Variants in TASP1 observed in about 807,000 individuals in gnomAD.
TASP1 encodes the protein threonine aspartase 1.
A neutral mutation model predicts 56.6 loss-of-function variants in TASP1; 16 were observed. That is an observed-to-expected ratio of 0.28 (90% CI 0.19 to 0.43). The LOEUF is 0.43. Among genes scored for constraint, TASP1 ranks in the 20% least tolerant of loss-of-function variants. The pLI is 1.00. For synonymous variants in TASP1, 179 were observed against 184.2 expected (o/e 0.97, Z 0.23); for missense variants, 393 against 511.6 (o/e 0.77, Z 2.24).
At chr20:13,234,272 T>C in the TASP1 span, among the ~76,000 whole-genome samples, 1 of 152,230 alleles carries the variant, frequency 6.6e-6, no homozygotes, top group Non-Finnish European at 1.5e-5. Flanking sequence ...GTACCAGCCA[T>C]GTTGCTGCGA....
chr20:13,304,784 G>T, the TASP1 span, among the ~76,000 whole-genome samples: 35 of 152,104 alleles, frequency 2.3e-4, no homozygotes, highest in Admixed American at 2.2e-3. Context: ...ACCAGTCCAC[G>T]AGCTCCCAGT....
chr20:13,545,703 C>T (rs1423930872), intron 8 of TASP1, among the ~76,000 whole-genome samples: 1 of 152,064 alleles, frequency 6.6e-6, no homozygotes, highest in Non-Finnish European at 1.5e-5. Flanking sequence ...CCACTCTCTT[C>T]TACTTGTCTA....
At chr20:13,627,322 C>G (rs1400391144) in intron 2 of TASP1, among the ~76,000 whole-genome samples, 28 of 152,170 alleles carry the variant, frequency 1.8e-4, no homozygotes, top group Non-Finnish European at 7.3e-5. Flanking sequence ...ATCAATCACT[C>G]TTTCTAATAA....
intron 8 of TASP1, among the ~76,000 whole-genome samples, chr20:13,544,052 C>T (rs375500975): frequency 6.6e-6 from 1 of 152,188 alleles, no homozygotes; most frequent in Non-Finnish European, 1.5e-5. Context: ...ACCCATTTCT[C>T]GTAATATGGG....
At chr20:13,297,615 A>C in the TASP1 span, among the ~76,000 whole-genome samples, 1 of 152,240 alleles carries the variant, frequency 6.6e-6, no homozygotes, top group Non-Finnish European at 1.5e-5. Context: ...AGCTGTGCTG[A>C]GCTGGGGACC....
the TASP1 span, among the ~76,000 whole-genome samples, chr20:13,274,908 A>G: frequency 2.6e-5 from 4 of 152,218 alleles, no homozygotes; most frequent in African/African-American, 9.6e-5. Context: ...TCTCCATATG[A>G]AATTTAAAAC....
At chr20:13,503,666 G>A (rs375832129) in intron 10 of TASP1, among the ~76,000 whole-genome samples, 2 of 152,052 alleles carry the variant, frequency 1.3e-5, no homozygotes. Flanking sequence ...CAAAATAATT[G>A]TTTTTGGGAA....
chr20:13,154,396 C>T, the TASP1 span, among the ~76,000 whole-genome samples: 4 of 152,254 alleles, frequency 2.6e-5, no homozygotes, highest in African/African-American at 7.2e-5. Context: ...CACTTATCTC[C>T]CTCAGCCTCA....
chr20:13,476,168 T>G (rs2042944669), intron 11 of TASP1, among the ~76,000 whole-genome samples: 1 of 152,162 alleles, frequency 6.6e-6, no homozygotes, highest in Non-Finnish European at 1.5e-5. Context: ...TTTGGTAGTC[T>G]GGTTAAAGTT....
intron 4 of TASP1, among the ~76,000 whole-genome samples, chr20:13,607,401 G>T (rs2048196241): frequency 6.6e-6 from 1 of 152,108 alleles, no homozygotes; most frequent in East Asian, 1.9e-4. Context: ...TTTGCTGAAG[G>T]CATAAAATAA....
At chr20:13,251,564 G>A in the TASP1 span, among the ~76,000 whole-genome samples, 1 of 152,200 alleles carries the variant, frequency 6.6e-6, no homozygotes, top group African/African-American at 2.4e-5. Context: ...AGAAAGTGAG[G>A]TGCAGGGAGC....
At chr20:13,209,838 C>T in the TASP1 span, among the ~76,000 whole-genome samples, 1 of 152,188 alleles carries the variant, frequency 6.6e-6, no homozygotes, top group Admixed American at 6.5e-5. Context: ...AGATGTATCA[C>T]AGACTATTAT....
chr20:13,193,591 T>C, the TASP1 span, among the ~76,000 whole-genome samples: 2 of 152,250 alleles, frequency 1.3e-5, no homozygotes, highest in Non-Finnish European at 2.9e-5. Context: ...AAGAAAATAC[T>C]GTATAAACAC....
intron 10 of TASP1, among the ~76,000 whole-genome samples, chr20:13,513,421 A>G (rs530223050): frequency 5.9e-5 from 9 of 152,070 alleles, no homozygotes; most frequent in East Asian, 1.9e-4. Context: ...AGGGAGGGAG[A>G]GAGACAGAAG....
intron 10 of TASP1, among the ~76,000 whole-genome samples, chr20:13,493,109 C>G (rs527428040): frequency 1.3e-5 from 2 of 151,932 alleles, no homozygotes; most frequent in Non-Finnish European, 2.9e-5. Flanking sequence ...GTTTTATGAA[C>G]GCAAATACTT....
rs1435188626 is a variant in TASP1 at position 13,390,383 on chromosome 20, G to A, written c.1240C>T (p.Arg414Cys). 7 of 1,614,022 alleles carry A rather than the reference G, an allele frequency of 4.3e-6. No homozygotes were observed. The highest frequency in any genetic ancestry group is 5.1e-6 in the Non-Finnish European group (6 of 1,179,976). ...GGTCAGTTCACTGGGCTCTCCAGGC[G>A]GCACACCCCACCTTCGATTGCCACA... is the stretch of plus-strand genomic sequence containing the variant. ...QSVAIEGGVC[R>C]LESPVN Residue 414 changes from arginine to cysteine, a missense_variant, in exon 14 of 14, where the codon CGC (arginine) becomes TGC (cysteine). Arg to Cys is a radical substitution (Grantham distance 180, BLOSUM62 -3). Transcript: ENST00000337743.
chr20:13,416,184 CAG>C (rs968419044), intron 13 of TASP1, among the ~76,000 whole-genome samples: 5 of 152,296 alleles, frequency 3.3e-5, no homozygotes, highest in Admixed American at 6.5e-5. Flanking sequence ...TGTTGGAAAA[CAG>C]AGATATAAAA....
chr20:13,136,661 GTT>G, the TASP1 span, among the ~76,000 whole-genome samples: 6 of 144,166 alleles, frequency 4.2e-5, 1 homozygote, highest in South Asian at 1.3e-3. Context: ...ATAAATAAAA[GTT>G]ATATATTATA....
chr20:13,150,136 T>C, the TASP1 span, among the ~76,000 whole-genome samples: 14 of 152,302 alleles, frequency 9.2e-5, no homozygotes, highest in Admixed American at 9.1e-4. Context: ...ATAGCCCTCT[T>C]TTCCTTTCCT....
Sources: gnomAD v4.1 joint callset for allele counts (sites outside exome capture counted in the v4.1 genomes callset) on GRCh38, gnomAD v4.1.1 for gene constraint, MANE v1.5 for transcripts, NCBI Gene and HGNC (gene_info 2026-07-23, HGNC 2026-07-21) for gene names.